NPTN: variants seen among roughly 807,000 people sequenced by gnomAD.
NPTN encodes the protein neuroplastin.
In NPTN, 5 loss-of-function variants were observed where a neutral mutation model predicts 42.7. The ratio of observed to expected loss-of-function variants is 0.12; its 90% CI spans 0.06 to 0.25. The LOEUF (loss-of-function observed/expected upper bound fraction) is 0.25, where lower values mean the gene tolerates loss of function less well. NPTN is among the 10% of genes least tolerant of loss of function. The probability of loss-of-function intolerance (pLI) is 1.00; values close to 1 mark genes in which losing one functional copy is unlikely to be tolerated. For synonymous variants in NPTN, 180 were observed against 201.9 expected, an observed-to-expected ratio of 0.89 and a Z score of 0.92; for missense variants, 307 against 525.4, an observed-to-expected ratio of 0.58 and a Z score of 4.06.
chr15:73,560,568 A>G lies in NPTN; in HGVS notation c.*495T>C, dbSNP rs1894602413. 1 of 151,684 alleles carries G rather than the reference A, an allele frequency of 6.6e-6. No homozygotes were observed. The highest frequency in any genetic ancestry group is 2.1e-4 in the South Asian group (1 of 4,820). 9.4% of individuals were successfully genotyped at this position (151,684 alleles called of 1,614,324 possible). On this transcript the variant is annotated 3_prime_UTR_variant, in exon 9 of 9. Transcript: ENST00000345330. ...AATAAGGAATGAATATCAGCAGCTT[A>G]AAAATGAAACAAGCATTTACTTTAT... is the stretch of plus-strand genomic sequence containing the variant.
Position 73,623,048 on chromosome 15 carries a change from T to A in NPTN, c.91+10077A>T, listed in dbSNP as rs1174566388. The stretch of plus-strand genomic sequence containing the variant: ...GAAGTCTTAGGAGTTAGGATGAAAG[T>A]GTCCTTTTCCAGGTTTTTAATAGCA... On this transcript the variant is annotated intron_variant, in intron 1 of 8. Coordinates refer to ENST00000345330, the MANE Select transcript of NPTN (RefSeq NM_012428.4). Among the ~76,000 whole-genome samples the A allele has an allele frequency of 2.0e-5, 3 of 152,334 alleles. No homozygotes were observed. In the East Asian group the frequency reaches 5.8e-4, roughly 29 times the overall value.
intron 4 of NPTN, among the ~76,000 whole-genome samples, chr15:73,579,029 C>T (rs997011524): frequency 6.9e-6 from 1 of 145,540 alleles, no homozygotes; most frequent in African/African-American, 2.6e-5. Flanking sequence ...TATTTAACAT[C>T]CAAGTATTGG....
At chr15:73,627,796 T>C (rs1415444601) in intron 1 of NPTN, among the ~76,000 whole-genome samples, 1 of 152,232 alleles carries the variant, frequency 6.6e-6, no homozygotes, top group East Asian at 1.9e-4. Context: ...AAAAAGCAGA[T>C]ATATTTTACT....
intron 3 of NPTN, among the ~76,000 whole-genome samples, chr15:73,590,868 CAA>C (rs1896556860): frequency 2.0e-5 from 3 of 151,900 alleles, no homozygotes; most frequent in Non-Finnish European, 4.4e-5. Context: ...TAATCCTTTC[CAA>C]ACTATGAGGA....
chr15:73,627,513 A>G (rs1247823061), intron 1 of NPTN, among the ~76,000 whole-genome samples: 1 of 152,238 alleles, frequency 6.6e-6, no homozygotes, highest in Non-Finnish European at 1.5e-5. Flanking sequence ...GAGGAATATT[A>G]AATGTCTCCC....
intron 1 of NPTN, among the ~76,000 whole-genome samples, chr15:73,616,706 C>T (rs1897879475): frequency 6.6e-6 from 1 of 152,134 alleles, no homozygotes; most frequent in South Asian, 2.1e-4. Flanking sequence ...GAATTTTCAC[C>T]TCTGCAGTGA....
chr15:73,560,079 CAATA>C lies in NPTN; in HGVS notation c.*980_*983del, dbSNP rs1177643005. ...CACTTTTTTATACATCATTGCACTT[CAATA>C]ATTACACAAAACACACAAGTACATG... On this transcript the variant is annotated 3_prime_UTR_variant, in exon 9 of 9. Transcript: ENST00000345330. The C allele has an allele frequency of 5.0e-5, 28 of 562,320 alleles. No homozygotes were observed. Among genetic ancestry groups the C allele is most frequent in the Non-Finnish European group, 6.7e-5 (23 of 340,914 alleles). 34.8% of individuals were successfully genotyped at this position (562,320 alleles called of 1,614,324 possible).
intron 8 of NPTN, among the ~76,000 whole-genome samples, chr15:73,561,605 G>A (rs762695808): frequency 6.0e-4 from 91 of 151,246 alleles, no homozygotes; most frequent in Middle Eastern, 3.4e-3. Flanking sequence ...GCTTGAACCC[G>A]GGAGGCGGAG....
Position 73,569,922 on chromosome 15 carries a change from G to T in NPTN, c.1114+228C>A. On this transcript the variant is annotated intron_variant, in intron 6 of 8. Transcript: ENST00000345330. This position sits in a 1 kb window ranked among gnomAD's most constrained non-coding sequence, Gnocchi z 4.1. The stretch of plus-strand genomic sequence containing the variant: ...GAAAACACCCAAACAGAGGGAGAGA[G>T]CTAAGGACAGCTCTAGATGGCTAAT... 2.1e-6 allele frequency: 1 copy of T among 486,678 alleles called. No homozygotes were observed. Among genetic ancestry groups the T allele is most frequent in the Non-Finnish European group, 2.7e-6 (1 of 374,584 alleles). The allele number at this position is 486,678 out of a possible 1,614,324, so 30.1% of individuals were successfully genotyped here. A position where few individuals can be genotyped will look rare whatever the true frequency, so the allele number is the denominator to read the frequency against.
At chr15:73,608,966 G>A (rs866793825) in intron 1 of NPTN, among the ~76,000 whole-genome samples, 14 of 152,174 alleles carry the variant, frequency 9.2e-5, no homozygotes, top group African/African-American at 2.7e-4. Context: ...GAGAGGTGGA[G>A]GCTGGAAATA....
intron 1 of NPTN, among the ~76,000 whole-genome samples, chr15:73,629,753 G>A (rs921357814): frequency 2.0e-5 from 3 of 151,414 alleles, no homozygotes; most frequent in African/African-American, 4.9e-5. Flanking sequence ...ACTGTGTGCC[G>A]GGTACCACAC....
intron 1 of NPTN, among the ~76,000 whole-genome samples, chr15:73,630,080 C>T (rs368883205): frequency 6.6e-6 from 1 of 152,172 alleles, no homozygotes; most frequent in East Asian, 1.9e-4. Flanking sequence ...AAATAATGCT[C>T]CTTTTTAAAG....
chr15:73,598,612 T>C (rs1896935688), intron 1 of NPTN, among the ~76,000 whole-genome samples: 3 of 152,094 alleles, frequency 2.0e-5, no homozygotes, highest in Non-Finnish European at 4.4e-5. Context: ...TCAGACAGTA[T>C]CCGAAGGTAT....
intron 2 of NPTN, among the ~76,000 whole-genome samples, chr15:73,596,128 G>C (rs1449800919): frequency 6.6e-6 from 1 of 152,164 alleles, no homozygotes; most frequent in African/African-American, 2.4e-5. Flanking sequence ...CTGCAACTCT[G>C]ACTTCCAAAC....
At chr15:73,574,152 GT>G (rs1205327742) in intron 4 of NPTN, among the ~76,000 whole-genome samples, 2 of 152,114 alleles carry the variant, frequency 1.3e-5, no homozygotes, top group Admixed American at 6.5e-5. Flanking sequence ...ATCGGCCCAA[GT>G]TTTTTCTTAA....
chr15:73,615,177 G>A (rs1291134349), intron 1 of NPTN, among the ~76,000 whole-genome samples: 80 of 143,110 alleles, frequency 5.6e-4, no homozygotes, highest in Non-Finnish European at 9.9e-4. Context: ...TTTTTTTAAA[G>A]ATAATCTTGA....
chr15:73,563,499 T>C (rs1191769583), intron 6 of NPTN: 21 of 1,325,958 alleles, frequency 1.6e-5, no homozygotes, highest in Non-Finnish European at 1.9e-5. Context: ...CTTTGAATGC[T>C]TGTCATGAAA....
At chr15:73,563,844 A>G (rs75724898) in intron 6 of NPTN, among the ~76,000 whole-genome samples, 7,819 of 152,284 alleles carry the variant, frequency 0.051, 215 homozygotes, top group South Asian at 0.094. Flanking sequence ...TGGGTCAGCC[A>G]TGCTGGGCTA....
intron 2 of NPTN, among the ~76,000 whole-genome samples, chr15:73,596,523 C>T (rs996731733): frequency 2.0e-5 from 3 of 151,708 alleles, no homozygotes; most frequent in African/African-American, 7.3e-5. Flanking sequence ...AACAGAAGAA[C>T]AGAAGAAATA....
Sources: gnomAD v4.1 joint callset for allele counts (sites outside exome capture counted in the v4.1 genomes callset) on GRCh38, gnomAD v4.1.1 for gene constraint, Gnocchi (gnomAD v3.1) non-coding constraint, MANE v1.5 for transcripts, NCBI Gene and HGNC (gene_info 2026-07-23, HGNC 2026-07-21) for gene names.